DLG2: variants seen among roughly 807,000 people sequenced by gnomAD.
DLG2 encodes the protein discs large MAGUK scaffold protein 2.
A neutral mutation model predicts 132.5 loss-of-function variants in DLG2; 45 were observed. The observed-to-expected ratio is 0.34, with a 90% CI of 0.27 to 0.44. The LOEUF (loss-of-function observed/expected upper bound fraction) is 0.44, where lower values mean the gene tolerates loss of function less well. Among genes scored for constraint, DLG2 ranks in the 20% least tolerant of loss-of-function variants. The pLI is 1.00. For synonymous variants in DLG2, 424 were observed against 419.6 expected (o/e 1.01, Z -0.13); for missense variants, 1,045 against 1,196.9 (o/e 0.87, Z 1.87).
intron 11 of DLG2, among the ~76,000 whole-genome samples, chr11:84,032,393 C>T (rs1439845226): frequency 6.6e-6 from 1 of 152,194 alleles, no homozygotes; most frequent in South Asian, 2.1e-4. Context: ...AAATATCAAA[C>T]TAGCCACACC....
intron 6 of DLG2, among the ~76,000 whole-genome samples, chr11:84,920,004 T>A (rs2092683865): frequency 6.6e-6 from 1 of 152,214 alleles, no homozygotes; most frequent in African/African-American, 2.4e-5. Flanking sequence ...TGAACCTTTA[T>A]CAAACTCTAT....
intron 17 of DLG2, among the ~76,000 whole-genome samples, chr11:83,818,113 C>T (rs2049612844): frequency 1.3e-5 from 2 of 152,058 alleles, no homozygotes; most frequent in South Asian, 4.1e-4. Context: ...TCAGGTTGTC[C>T]TGAGTAACTG....
intron 6 of DLG2, among the ~76,000 whole-genome samples, chr11:84,740,836 T>C (rs889358269): frequency 6.6e-6 from 1 of 152,092 alleles, no homozygotes; most frequent in African/African-American, 2.4e-5. Context: ...GAGAGGTTCT[T>C]GAGCCACTGA....
At chr11:85,223,660 T>G (rs2074801677) in intron 4 of DLG2, among the ~76,000 whole-genome samples, 1 of 152,064 alleles carries the variant, frequency 6.6e-6, no homozygotes, top group African/African-American at 2.4e-5. Flanking sequence ...GTTTTTGTTT[T>G]TTTAAAAGAA....
chr11:85,161,208 G>T (rs1365510279), intron 4 of DLG2, among the ~76,000 whole-genome samples: 1 of 152,214 alleles, frequency 6.6e-6, no homozygotes, highest in Non-Finnish European at 1.5e-5. Context: ...AAGTGGATAG[G>T]ATGACCTGTT....
In DLG2 at chr11:84,982,780, CA is replaced by C. The variant is rs532633573; in HGVS notation, c.357+128880del. On this transcript the variant is annotated intron_variant, in intron 6 of 27. Coordinates refer to ENST00000376104, the MANE Select transcript of DLG2 (RefSeq NM_001142699.3). ...AGAAGTGCCAGACTGATTCAATATT[CA>C]AAAAAAAAATCAATATGGTACATCA... Among the ~76,000 whole-genome samples the C allele has an allele frequency of 2.8e-4, 41 of 147,488 alleles. 1 individual carries two copies. In the South Asian group the frequency reaches 6.0e-3, roughly 22 times the overall value.
At chr11:83,894,473 C>T (rs2070961059) in intron 15 of DLG2, among the ~76,000 whole-genome samples, 2 of 151,798 alleles carry the variant, frequency 1.3e-5, no homozygotes, top group Admixed American at 6.6e-5. Flanking sequence ...TTTTGTTTGC[C>T]CTAAAATTTT....
chr11:84,738,936 T>C (rs554898945), intron 6 of DLG2, among the ~76,000 whole-genome samples: 10 of 152,140 alleles, frequency 6.6e-5, no homozygotes, highest in Non-Finnish European at 1.2e-4. Flanking sequence ...TTGAAAGGCA[T>C]GAAACTGTGC....
intron 4 of DLG2, among the ~76,000 whole-genome samples, chr11:85,271,994 G>A (rs1381883968): frequency 2.6e-5 from 4 of 152,112 alleles, no homozygotes; most frequent in Non-Finnish European, 5.9e-5. Context: ...AATTTGAGAG[G>A]GGCCAGGTGT....
At chr11:85,021,605 G>A (rs553045184) in intron 6 of DLG2, 91 of 1,399,336 alleles carry the variant, frequency 6.5e-5, no homozygotes, top group East Asian at 1.8e-4. Flanking sequence ...GTGAACACAC[G>A]GGAGTTCATG....
chr11:85,080,606 A>G (rs984145855), intron 6 of DLG2, among the ~76,000 whole-genome samples: 1 of 152,114 alleles, frequency 6.6e-6, no homozygotes, highest in Non-Finnish European at 1.5e-5. Context: ...CTTGAATTTC[A>G]TGCCAGATAT....
Position 85,582,660 on chromosome 11 carries a change from CAAAAAAAAAAAAAAAAAAAAAAAAAAAA to C in DLG2, c.40+15969_40+15996del, listed in dbSNP as rs59452629. On this transcript the variant is annotated intron_variant, in intron 3 of 27. Transcript: ENST00000376104. ...GCAACATGGTGAAACCCCATCTCTACAAAAAAAAAAAAAAAAAAAAAAAAAAAAAAAAAAAAAAAAAAAAACTCGTGCA... is the reference window on the plus strand; with the variant it reads ...GCAACATGGTGAAACCCCATCTCTACAAAAAAAAAAAAAAAAACTCGTGCA... Among the ~76,000 whole-genome samples the C allele has an allele frequency of 4.4e-4, 12 of 27,142 alleles. 1 individual carries two copies. In the East Asian group the frequency reaches 8.6e-3, roughly 19 times the overall value. 17.8% of individuals were successfully genotyped at this position (27,142 alleles called of 152,430 possible).
intron 11 of DLG2, among the ~76,000 whole-genome samples, chr11:84,032,859 A>C (rs914653378): frequency 6.6e-6 from 1 of 152,142 alleles, no homozygotes; most frequent in Non-Finnish European, 1.5e-5. Flanking sequence ...AGCCCTTAAG[A>C]ATTATGCTAA....
intron 7 of DLG2, among the ~76,000 whole-genome samples, chr11:84,275,811 T>C (rs1049239386): frequency 2.6e-5 from 4 of 152,182 alleles, no homozygotes; most frequent in African/African-American, 9.7e-5. Flanking sequence ...GCATAAACTA[T>C]TTAGAAAGCA....
At chr11:84,785,452 CT>C (rs1164736836) in intron 6 of DLG2, among the ~76,000 whole-genome samples, 1 of 151,860 alleles carries the variant, frequency 6.6e-6, no homozygotes, top group Non-Finnish European at 1.5e-5. Context: ...GTCTAATTGT[CT>C]TTTTATGATG....
chr11:85,129,025 A>G (rs2152399314), intron 5 of DLG2, among the ~76,000 whole-genome samples: 1 of 152,332 alleles, frequency 6.6e-6, no homozygotes, highest in East Asian at 1.9e-4. Flanking sequence ...CAACTTATCC[A>G]CATCTTAAAA....
chr11:83,560,066 A>G (rs2096584877), intron 19 of DLG2, among the ~76,000 whole-genome samples: 1 of 151,516 alleles, frequency 6.6e-6, no homozygotes, highest in South Asian at 2.1e-4. Context: ...ATTAGAAGAA[A>G]TTTTCAAGAG....
intron 11 of DLG2, among the ~76,000 whole-genome samples, chr11:84,046,374 A>T (rs1169373987): frequency 6.6e-6 from 1 of 151,560 alleles, no homozygotes. Flanking sequence ...TATTATAATT[A>T]AAAAAACTGC....
chr11:85,504,699 C>A (rs2093887023), intron 3 of DLG2, among the ~76,000 whole-genome samples: 1 of 152,112 alleles, frequency 6.6e-6, no homozygotes, highest in Non-Finnish European at 1.5e-5. Flanking sequence ...AATGCAGGCT[C>A]TTTTTTGATT....
Sources: allele counts gnomAD v4.1 joint callset (sites outside exome capture counted in the v4.1 genomes callset), GRCh38; gene constraint gnomAD v4.1.1; transcripts MANE v1.5; gene names NCBI Gene and HGNC (gene_info 2026-07-23, HGNC 2026-07-21).